PCDHA11: variants seen among roughly 807,000 people sequenced by gnomAD.
PCDHA11 encodes protocadherin alpha 11, also known as protocadherin alpha-11.
A neutral mutation model predicts 70.3 loss-of-function variants in PCDHA11; 61 were observed. That is an observed-to-expected ratio of 0.87 (90% confidence interval 0.71 to 1.07). PCDHA11 has a LOEUF of 1.07. Among genes scored for constraint, PCDHA11 ranks in the 50% least tolerant of loss-of-function variants. PCDHA11 has a pLI of 0.00. For missense variants in PCDHA11, 1,324 were observed against 1,237.5 expected (o/e 1.07, Z -1.05); for synonymous variants, 633 against 555.1 (o/e 1.14, Z -1.97).
chr5:140,918,703 A>G (rs2153549940), intron 1 of PCDHA11, among the ~76,000 whole-genome samples: 1 of 152,306 alleles, frequency 6.6e-6, no homozygotes, highest in Non-Finnish European at 1.5e-5. Context: ...TTAAGTCATG[A>G]GGGCAGAGCC....
chr5:140,994,141 C>T (rs782520855), intron 3 of PCDHA11, among the ~76,000 whole-genome samples: 1 of 152,256 alleles, frequency 6.6e-6, no homozygotes, highest in African/African-American at 2.4e-5. Context: ...TAATGCCCTA[C>T]GTAGGTAGGG....
intron 1 of PCDHA11, chr5:140,884,345 C>A (rs782318945): frequency 1.2e-6 from 2 of 1,613,916 alleles, no homozygotes; most frequent in African/African-American, 2.7e-5. Flanking sequence ...AGAAGCGGCG[C>A]TGGTGGATGT....
intron 1 of PCDHA11, among the ~76,000 whole-genome samples, chr5:140,940,019 T>C (rs1554213082): frequency 6.6e-6 from 1 of 152,230 alleles, no homozygotes; most frequent in East Asian, 1.9e-4. Context: ...TTGTGTCATA[T>C]GTTTTAAGGC....
At chr5:140,949,663 T>C (rs1038571728) in intron 1 of PCDHA11, among the ~76,000 whole-genome samples, 2 of 151,872 alleles carry the variant, frequency 1.3e-5, no homozygotes, top group Non-Finnish European at 3.0e-5. Flanking sequence ...TTTGTTTCTT[T>C]AAAGTATGCC....
chr5:140,969,123 C>G, intron 1 of PCDHA11: 1 of 1,614,172 alleles, frequency 6.2e-7, no homozygotes, highest in Non-Finnish European at 8.5e-7. Flanking sequence ...GGGAATGGCT[C>G]CCTCACCAAG....
chr5:140,905,948 G>A (rs2072228532), intron 1 of PCDHA11, among the ~76,000 whole-genome samples: 3 of 152,180 alleles, frequency 2.0e-5, no homozygotes, highest in Non-Finnish European at 4.4e-5. Flanking sequence ...CTTGGAATCC[G>A]ATGTTCAAGG....
intron 1 of PCDHA11, chr5:140,876,238 C>G (rs782170059): frequency 2.5e-6 from 4 of 1,613,896 alleles, no homozygotes; most frequent in Non-Finnish European, 3.4e-6. Context: ...TGAAAATGTC[C>G]AAAACGACAC....
At chr5:140,941,743 C>G (rs2093156279) in intron 1 of PCDHA11, among the ~76,000 whole-genome samples, 1 of 152,172 alleles carries the variant, frequency 6.6e-6, no homozygotes, top group Admixed American at 6.5e-5. Context: ...ATTATCTTAT[C>G]AGATTTTCAG....
chr5:140,942,995 G>A (rs933167090), intron 1 of PCDHA11, among the ~76,000 whole-genome samples: 7 of 152,042 alleles, frequency 4.6e-5, no homozygotes, highest in African/African-American at 1.2e-4. Context: ...GGTGGCTCAT[G>A]CCTGTAATCC....
intron 1 of PCDHA11, among the ~76,000 whole-genome samples, chr5:140,970,418 G>A (rs1377182658): frequency 6.6e-6 from 1 of 152,220 alleles, no homozygotes; most frequent in East Asian, 1.9e-4. Flanking sequence ...ACAGTAAGGT[G>A]TAGAGGCAGG....
rs1554231789 is a variant in PCDHA11 at position 140,969,430 on chromosome 5, A to G, written c.2392-9519A>G. ...CTTTATTGAGTCATTAACAGTGACAAGAGTTATCTGGTAAACTGAGTATAT... is the reference window on the plus strand; with the variant it reads ...CTTTATTGAGTCATTAACAGTGACAGGAGTTATCTGGTAAACTGAGTATAT... On this transcript the variant is annotated intron_variant, in intron 1 of 3. Transcript: ENST00000398640. The G allele has an allele frequency of 1.2e-5, 19 of 1,554,588 alleles. 1 individual carries two copies. The Admixed American group carries it at 3.5e-4, about 29-fold the overall frequency.
rs999939821 is a variant in PCDHA11, at chr5:140,972,909, G to A, written c.2392-6040G>A. ...GATCTCTTGACCTTGTGATCCACCC[G>A]CCTTGGCCTCCCAAAGTGCTGGGAT... is the stretch of plus-strand genomic sequence containing the variant. On this transcript the variant is annotated intron_variant, in intron 1 of 3. Transcript: ENST00000398640. 5.3e-4 allele frequency among the ~76,000 whole-genome samples: 80 copies of A among 152,056 alleles called. 1 individual carries two copies. Among genetic ancestry groups the A allele is most frequent in the African/African-American group, 1.8e-3 (75 of 41,484 alleles).
At position 140,912,557 on chromosome 5, in the gene PCDHA11, A is replaced by T. The variant is rs1220242152; in HGVS notation, c.2391+41063A>T. On this transcript the variant is annotated intron_variant, in intron 1 of 3. Transcript: ENST00000398640. ...GATCATATTGTCAGCAAACAGCAAC[A>T]GTTTTAACTTCCTCTTTTCCAATTT... Among the ~76,000 whole-genome samples the T allele has an allele frequency of 4.6e-5, 7 of 152,154 alleles. No individual in the cohort carries two copies. The South Asian group carries it at 1.5e-3, about 32-fold the overall frequency.
intron 3 of PCDHA11, among the ~76,000 whole-genome samples, chr5:141,007,339 T>C (rs2098316015): frequency 6.9e-6 from 1 of 143,904 alleles, no homozygotes; most frequent in Non-Finnish European, 1.5e-5. Context: ...TTGCCTGAGC[T>C]CAGGAGTTCG....
At chr5:140,949,474 G>T (rs2094384891) in intron 1 of PCDHA11, among the ~76,000 whole-genome samples, 1 of 151,524 alleles carries the variant, frequency 6.6e-6, no homozygotes, top group Admixed American at 6.6e-5. Flanking sequence ...CTGTTATTAG[G>T]CACACACATT....
intron 1 of PCDHA11, chr5:140,966,926 C>G (rs782811757): frequency 1.9e-6 from 3 of 1,603,462 alleles, no homozygotes; most frequent in Admixed American, 1.7e-5. Flanking sequence ...GGAGCAGGCA[C>G]CCGGCGCGCT....
Position 140,883,198 on chromosome 5 carries a change from C to G in PCDHA11, c.2391+11704C>G, listed in dbSNP as rs145698462. 1.9e-6 allele frequency: 3 copies of G among 1,613,572 alleles called. No individual in the cohort carries two copies. Among genetic ancestry groups the G allele is most frequent in the Admixed American group, 1.7e-5 (1 of 59,932 alleles). On this transcript the variant is annotated intron_variant, in intron 1 of 3. Transcript: ENST00000398640. ...TTAGGACAAAAGGCAAACTAGATTT[C>G]GAAGAAAAGAAATTATATGAAATAT...
At chr5:140,882,048 C>T in intron 1 of PCDHA11, 1 of 745,800 alleles carries the variant, frequency 1.3e-6, no homozygotes, top group Non-Finnish European at 2.1e-6. Context: ...CTGAGTCATA[C>T]TTACACTTAC....
chr5:140,875,478 G>T, intron 1 of PCDHA11: 4 of 1,610,404 alleles, frequency 2.5e-6, no homozygotes, highest in Non-Finnish European at 3.4e-6. Flanking sequence ...CTGCAATGGT[G>T]ATTATCGGAC....
Sources: allele counts gnomAD v4.1 joint callset (sites outside exome capture counted in the v4.1 genomes callset), GRCh38; gene constraint gnomAD v4.1.1; transcripts MANE v1.5; gene names NCBI Gene and HGNC (gene_info 2026-07-23, HGNC 2026-07-21).